Variants in IFT88 observed in about 807,000 individuals in gnomAD.
IFT88 encodes the protein intraflagellar transport protein 88 homolog.
In IFT88, 74 loss-of-function variants were observed where a neutral mutation model predicts 119.5. The ratio of observed to expected loss-of-function variants is 0.62; its 90% confidence interval spans 0.51 to 0.75. The LOEUF (loss-of-function observed/expected upper bound fraction) is 0.75, where lower values mean the gene tolerates loss of function less well. Among genes scored for constraint, IFT88 ranks in the 30% least tolerant of loss-of-function variants. The pLI is 0.00. For synonymous variants in IFT88, 279 were observed against 316.7 expected (o/e 0.88, Z 1.26); for missense variants, 961 against 977.7 (o/e 0.98, Z 0.23).
At chr13:20,670,460 G>A (rs1000040951) in intron 23 of IFT88, among the ~76,000 whole-genome samples, 4 of 151,070 alleles carry the variant, frequency 2.6e-5, no homozygotes, top group Admixed American at 2.6e-4. Flanking sequence ...ACAGATCTTA[G>A]GTCTTTTGTG....
chr13:20,594,623 A>G (rs1043765689), intron 7 of IFT88, among the ~76,000 whole-genome samples: 1 of 152,224 alleles, frequency 6.6e-6, no homozygotes, highest in East Asian at 1.9e-4. Context: ...TTAAAATTCT[A>G]TGTTGATATT....
intron 13 of IFT88, chr13:20,612,151 AAATAT>A (rs1302930334): frequency 1.3e-5 from 2 of 152,160 alleles, no homozygotes; most frequent in Non-Finnish European, 2.9e-5. Context: ...TGTAGTGCAG[AAATAT>A]ATTAATATCT....
At chr13:20,650,966 G>T in intron 20 of IFT88, among the ~76,000 whole-genome samples, 1 of 152,062 alleles carries the variant, frequency 6.6e-6, no homozygotes, top group East Asian at 1.9e-4. Context: ...ACCTTTGTTG[G>T]AAATCAATTT....
intron 14 of IFT88, among the ~76,000 whole-genome samples, chr13:20,623,462 A>G (rs759567073): frequency 3.9e-5 from 6 of 152,138 alleles, no homozygotes; most frequent in Non-Finnish European, 7.4e-5. Context: ...ACATGTTTCC[A>G]TTTATTGATG....
intron 13 of IFT88, among the ~76,000 whole-genome samples, chr13:20,611,217 T>A (rs2044452296): frequency 6.6e-6 from 1 of 151,578 alleles, no homozygotes. Flanking sequence ...TTTTCAAGAT[T>A]AAAAACAAAA....
At chr13:20,648,974 A>G (rs1594622017) in intron 20 of IFT88, among the ~76,000 whole-genome samples, 2 of 152,362 alleles carry the variant, frequency 1.3e-5, no homozygotes, top group African/African-American at 4.8e-5. Context: ...TACTGCAAGA[A>G]TGTACAACAC....
At chr13:20,643,372 T>TA (rs1267911773) in intron 18 of IFT88, 83 bp from the exon 19 acceptor site, 1 of 1,057,426 alleles carries the variant, frequency 9.5e-7, no homozygotes, top group Non-Finnish European at 1.4e-6. Flanking sequence ...GGCTAAGAAA[T>TA]ATTGTTACTG....
At chr13:20,594,223 G>A (rs1020449326) in intron 7 of IFT88, among the ~76,000 whole-genome samples, 8 of 152,154 alleles carry the variant, frequency 5.3e-5, no homozygotes, top group South Asian at 2.1e-4. Context: ...TTCCCCAAGC[G>A]CCTGCCGATC....
chr13:20,621,526 T>TAAAAAAAAA (rs200491393), intron 14 of IFT88, among the ~76,000 whole-genome samples: 16 of 130,780 alleles, frequency 1.2e-4, no homozygotes, highest in African/African-American at 1.6e-4. Flanking sequence ...CCTGCTGAGA[T>TAAAAAAAAA]AAAAAAAAAA....
chr13:20,594,400 A>G (rs2041273088), intron 7 of IFT88, among the ~76,000 whole-genome samples: 1 of 152,214 alleles, frequency 6.6e-6, no homozygotes, highest in Non-Finnish European at 1.5e-5. Context: ...GAATGCATCA[A>G]ATGCTCGTGG....
chr13:20,619,667 C>T (rs1407725169), intron 14 of IFT88, among the ~76,000 whole-genome samples: 1 of 149,942 alleles, frequency 6.7e-6, no homozygotes, highest in African/African-American at 2.5e-5. Context: ...TGTAAATGCT[C>T]CTATCAATAT....
At chr13:20,617,997 G>T (rs939694092) in intron 14 of IFT88, among the ~76,000 whole-genome samples, 1 of 152,072 alleles carries the variant, frequency 6.6e-6, no homozygotes, top group Admixed American at 6.5e-5. Context: ...TGTTGGCTGG[G>T]CTGGTCTCGA....
At chr13:20,657,298 G>A (rs1435762237) in intron 22 of IFT88, among the ~76,000 whole-genome samples, 1 of 152,184 alleles carries the variant, frequency 6.6e-6, no homozygotes, top group East Asian at 1.9e-4. Flanking sequence ...CAGTAATAAT[G>A]TGAAGTATTA....
At chr13:20,615,580 TGACCC>T (rs2045471524) in intron 13 of IFT88, among the ~76,000 whole-genome samples, 2 of 152,198 alleles carry the variant, frequency 1.3e-5, no homozygotes, top group African/African-American at 4.8e-5. Flanking sequence ...TGAACACCGT[TGACCC>T]GGCAGGCAAT....
chr13:20,643,344 C>A, intron 18 of IFT88, 111 bp from the exon 19 acceptor site: 1 of 795,014 alleles, frequency 1.3e-6, no homozygotes, highest in Non-Finnish European at 2.0e-6. Context: ...AAACAGTATA[C>A]AATAGCACAT....
chr13:20,592,154 C>CAATTTCCCAGTA (rs1333388069), intron 6 of IFT88, among the ~76,000 whole-genome samples, 181 bp from the exon 7 acceptor site: 95 of 152,256 alleles, frequency 6.2e-4, no homozygotes, highest in Non-Finnish European at 8.1e-4. Flanking sequence ...AAAATCTTAC[C>CAATTTCCCAGTA]AATTTCCCAG....
rs1340791436 is a variant in IFT88 at position 20,580,726 on chromosome 13, T to TTC, written c.91-2230_91-2229insCT. 9.9e-3 allele frequency among the ~76,000 whole-genome samples: 1,367 copies of TTC among 137,502 alleles called. 28 individuals carry two copies. Among genetic ancestry groups the TTC allele is most frequent in the African/African-American group, 0.035 (1,259 of 35,690 alleles). 90.2% of individuals were successfully genotyped at this position (137,502 alleles called of 152,430 possible). ...GGATCATGAAGATTTTCTTTTTTCT[T>TTC]TTTTTTTTTTTTTTTTTGAGATGGA... On this transcript the variant is annotated intron_variant, in intron 2 of 25. Transcript: ENST00000351808.
intron 23 of IFT88, among the ~76,000 whole-genome samples, chr13:20,669,007 C>G (rs904112572): frequency 1.6e-4 from 24 of 152,128 alleles, no homozygotes; most frequent in African/African-American, 4.8e-4. Context: ...ACTGATGGAG[C>G]TGTTTCCCCA....
intron 3 of IFT88, among the ~76,000 whole-genome samples, chr13:20,587,144 G>A (rs1389832452): frequency 6.6e-6 from 1 of 152,044 alleles, no homozygotes; most frequent in East Asian, 1.9e-4. Context: ...CATTCTTGAA[G>A]AATATATATG....
Sources: allele counts gnomAD v4.1 joint callset (sites outside exome capture counted in the v4.1 genomes callset), GRCh38; gene constraint gnomAD v4.1.1; transcripts MANE v1.5; gene names NCBI Gene and HGNC (gene_info 2026-07-23, HGNC 2026-07-21).